GPC6: variants seen among roughly 807,000 people sequenced by gnomAD.
The protein encoded by GPC6 is glypican-6.
In GPC6, 14 loss-of-function variants were observed where a neutral mutation model predicts 55.2. That is an observed-to-expected ratio of 0.25 (90% CI 0.17 to 0.40). GPC6 has a LOEUF of 0.40. GPC6 is among the 10% of genes least tolerant of loss of function. GPC6 has a pLI of 1.00. For missense variants in GPC6, 641 were observed against 708.5 expected, an observed-to-expected ratio of 0.90 and a Z score of 1.08; for synonymous variants, 278 against 259.6, an observed-to-expected ratio of 1.07 and a Z score of -0.68.
intron 4 of GPC6, among the ~76,000 whole-genome samples, chr13:94,268,854 C>G (rs2139059661): frequency 6.6e-6 from 1 of 152,208 alleles, no homozygotes; most frequent in South Asian, 2.1e-4. Flanking sequence ...GTGACAAATT[C>G]TGGAAGCATT....
chr13:94,142,001 T>C (rs1185628445), intron 4 of GPC6, among the ~76,000 whole-genome samples: 1 of 151,968 alleles, frequency 6.6e-6, no homozygotes, highest in Non-Finnish European at 1.5e-5. Flanking sequence ...TTTTTCCGTG[T>C]GTGTGTGTGT....
intron 7 of GPC6, among the ~76,000 whole-genome samples, chr13:94,390,196 A>G (rs556042100): frequency 7.9e-5 from 12 of 152,352 alleles, no homozygotes; most frequent in Admixed American, 4.6e-4. Flanking sequence ...ATGATGCACG[A>G]TGATGGCAAA....
intron 4 of GPC6, among the ~76,000 whole-genome samples, chr13:94,129,177 C>T (rs1449378179): frequency 6.6e-6 from 1 of 152,030 alleles, no homozygotes; most frequent in Non-Finnish European, 1.5e-5. Flanking sequence ...TTAGAACAAA[C>T]AATATAAATT....
At chr13:94,040,905 C>G (rs1266019227) in intron 4 of GPC6, among the ~76,000 whole-genome samples, 2 of 151,798 alleles carry the variant, frequency 1.3e-5, no homozygotes, top group Non-Finnish European at 2.9e-5. Flanking sequence ...TTTGGAGAAG[C>G]TAGTTTCAGG....
At chr13:94,324,216 G>A (rs947029761) in intron 6 of GPC6, among the ~76,000 whole-genome samples, 3 of 146,638 alleles carry the variant, frequency 2.0e-5, no homozygotes, top group African/African-American at 5.5e-5. Flanking sequence ...ACACAGAGAG[G>A]CAGGGGACCC....
chr13:94,008,441 G>C (rs1882106014), intron 3 of GPC6, among the ~76,000 whole-genome samples: 1 of 152,106 alleles, frequency 6.6e-6, no homozygotes, highest in African/African-American at 2.4e-5. Context: ...GATCACTTGA[G>C]GTTGGGAGTT....
chr13:93,374,406 G>C (rs1163865495), intron 1 of GPC6, among the ~76,000 whole-genome samples: 2 of 152,158 alleles, frequency 1.3e-5, no homozygotes, highest in African/African-American at 4.8e-5. Context: ...GCAAGGTGAT[G>C]CACAGTTCTA....
At chr13:93,854,084 A>T (rs1238908798) in intron 3 of GPC6, among the ~76,000 whole-genome samples, 1 of 151,672 alleles carries the variant, frequency 6.6e-6, no homozygotes, top group East Asian at 1.9e-4. Flanking sequence ...ATTCATGAAC[A>T]CCCTCTATGC....
intron 4 of GPC6, among the ~76,000 whole-genome samples, chr13:94,272,646 T>C (rs1892076918): frequency 6.6e-6 from 1 of 151,600 alleles, no homozygotes; most frequent in South Asian, 2.1e-4. Context: ...TTTTTTGTAT[T>C]TTTGGTAGAG....
At chr13:93,707,411 G>A (rs1566496807) in intron 2 of GPC6, among the ~76,000 whole-genome samples, 1 of 151,758 alleles carries the variant, frequency 6.6e-6, no homozygotes, top group South Asian at 2.1e-4. Context: ...AGCTTTGAGT[G>A]TTATGGACTT....
At chr13:93,223,714 G>A (rs1875681188), upstream of GPC6, among the ~76,000 whole-genome samples, 1 of 152,096 alleles carries the variant, frequency 6.6e-6, no homozygotes, top group East Asian at 1.9e-4. Flanking sequence ...AAAGTGGTAG[G>A]ATTACAGGCG....
intron 2 of GPC6, among the ~76,000 whole-genome samples, chr13:93,818,129 A>C (rs1886927218): frequency 6.7e-6 from 1 of 148,514 alleles, no homozygotes; most frequent in Non-Finnish European, 1.5e-5. Flanking sequence ...ATACACACAC[A>C]CATAGTTTAA....
At chr13:94,269,750 A>G (rs1891933549) in intron 4 of GPC6, among the ~76,000 whole-genome samples, 1 of 152,154 alleles carries the variant, frequency 6.6e-6, no homozygotes, top group African/African-American at 2.4e-5. Context: ...CTATCTGGAC[A>G]CCTGCCCAAT....
At chr13:93,365,161 A>G (rs1409650629) in intron 1 of GPC6, among the ~76,000 whole-genome samples, 1 of 151,990 alleles carries the variant, frequency 6.6e-6, no homozygotes, top group Non-Finnish European at 1.5e-5. Context: ...ATGCGTTCCC[A>G]CAGTAAACTG....
At chr13:93,803,685 A>G (rs192040860) in intron 2 of GPC6, among the ~76,000 whole-genome samples, 1 of 152,334 alleles carries the variant, frequency 6.6e-6, no homozygotes, top group East Asian at 1.9e-4. Flanking sequence ...AATAACCAGA[A>G]TATCAATTAA....
intron 1 of GPC6, among the ~76,000 whole-genome samples, chr13:93,492,206 G>A (rs945726964): frequency 4.8e-5 from 7 of 147,000 alleles, no homozygotes; most frequent in Admixed American, 2.0e-4. Flanking sequence ...TTGAGCAGTG[G>A]TTTGTAGTTC....
At chr13:93,304,964 A>G (rs927744313) in intron 1 of GPC6, among the ~76,000 whole-genome samples, 20 of 152,128 alleles carry the variant, frequency 1.3e-4, no homozygotes, top group South Asian at 6.2e-4. Flanking sequence ...TCTTTATTCT[A>G]TCCTCCAGCC....
intron 4 of GPC6, among the ~76,000 whole-genome samples, chr13:94,219,390 G>A (rs569139198): frequency 5.3e-5 from 8 of 152,254 alleles, no homozygotes; most frequent in Admixed American, 5.2e-4. Context: ...AAGAGGCACT[G>A]CCTCTGTACC....
At chr13:93,691,847 A>C (rs1220617577) in intron 2 of GPC6, among the ~76,000 whole-genome samples, 1 of 152,058 alleles carries the variant, frequency 6.6e-6, no homozygotes, top group Non-Finnish European at 1.5e-5. Flanking sequence ...TCAAAAAATC[A>C]TGTTTTAGTG....
Sources: allele counts gnomAD v4.1 joint callset (sites outside exome capture counted in the v4.1 genomes callset), GRCh38; gene constraint gnomAD v4.1.1; transcripts MANE v1.5; gene names NCBI Gene and HGNC (gene_info 2026-07-23, HGNC 2026-07-21).